The following NCOR1 variants were observed in gnomAD, a reference collection of about 807,000 sequenced individuals.
NCOR1 encodes protein phosphatase 1, regulatory subunit 109.
Under a neutral mutation model 288.1 loss-of-function variants are expected in NCOR1, and 63 were observed. The ratio of observed to expected loss-of-function variants is 0.22; its 90% CI spans 0.18 to 0.27. NCOR1 has a LOEUF of 0.27. Among genes scored for constraint, NCOR1 ranks in the 10% least tolerant of loss-of-function variants. NCOR1 has a pLI of 1.00. For missense variants in NCOR1, 2,397 were observed against 3,019.2 expected, an observed-to-expected ratio of 0.79 and a Z score of 4.83; for synonymous variants, 1,007 against 1,065.9, an observed-to-expected ratio of 0.94 and a Z score of 1.08.
intron 19 of NCOR1, among the ~76,000 whole-genome samples, chr17:16,107,450 G>A (rs2069011275): frequency 6.6e-6 from 1 of 152,100 alleles, no homozygotes; most frequent in Admixed American, 6.6e-5. Context: ...GTAACAAGGC[G>A]GTTAGCCATC....
intron 1 of NCOR1, among the ~76,000 whole-genome samples, chr17:16,205,284 A>G (rs2091352132): frequency 6.6e-6 from 1 of 152,166 alleles, no homozygotes; most frequent in South Asian, 2.1e-4. Flanking sequence ...TTAAAACGCA[A>G]TAACCCCATC....
chr17:16,068,846 T>C (rs925457967), intron 31 of NCOR1, among the ~76,000 whole-genome samples: 1 of 151,878 alleles, frequency 6.6e-6, no homozygotes, highest in East Asian at 1.9e-4. Context: ...CCCAAGTAGC[T>C]GGGACTACAG....
At chr17:16,132,254 C>T (rs2075759203) in intron 14 of NCOR1, among the ~76,000 whole-genome samples, 1 of 152,162 alleles carries the variant, frequency 6.6e-6, no homozygotes, top group Non-Finnish European at 1.5e-5. Flanking sequence ...AATATGGTTT[C>T]TAACATGACT....
At chr17:16,075,732 G>C in intron 26 of NCOR1, 30 bp from the exon 27 acceptor site, 1 of 1,611,730 alleles carries the variant, frequency 6.2e-7, no homozygotes, top group Non-Finnish European at 8.5e-7. Context: ...AAATAGCAGA[G>C]GAGTCACTCG....
chr17:16,059,209 G>A (rs957650040), intron 37 of NCOR1, among the ~76,000 whole-genome samples: 5 of 152,038 alleles, frequency 3.3e-5, no homozygotes, highest in Non-Finnish European at 5.9e-5. Flanking sequence ...ACAAATGAGG[G>A]AGTAGATCTC....
At chr17:16,192,528 C>T (rs1420434722) in intron 2 of NCOR1, among the ~76,000 whole-genome samples, 6 of 152,082 alleles carry the variant, frequency 3.9e-5, no homozygotes, top group Admixed American at 2.6e-4. Context: ...TGGCGGCACA[C>T]GCCTGTAATT....
chr17:16,173,591 A>G (rs1323830794), intron 3 of NCOR1, among the ~76,000 whole-genome samples: 2 of 152,198 alleles, frequency 1.3e-5, no homozygotes, highest in Non-Finnish European at 2.9e-5. Context: ...ACTCAGTTGT[A>G]TTCTATACAC....
At chr17:16,165,701 T>G (rs979562274) in intron 4 of NCOR1, among the ~76,000 whole-genome samples, 56 of 152,328 alleles carry the variant, frequency 3.7e-4, no homozygotes, top group Admixed American at 5.9e-4. Flanking sequence ...TCTCTAGGCC[T>G]ACTTTCATAA....
chr17:16,117,877 A>C lies in NCOR1; in HGVS notation c.2055+11T>G. The C allele has an allele frequency of 1.2e-6, 2 of 1,612,404 alleles. No homozygotes were observed. Among genetic ancestry groups the C allele is most frequent in the Non-Finnish European group, 1.7e-6 (2 of 1,179,346 alleles). On this transcript the variant is annotated intron_variant, in intron 18 of 45. Transcript: ENST00000268712. The stretch of plus-strand genomic sequence containing the variant: ...ACAGTAAGTAAAGAGTCACCACCCC[A>C]ATATACTCACTTTCTGTTTATGCTG...
At chr17:16,113,468 A>T (rs1404665839) in intron 18 of NCOR1, among the ~76,000 whole-genome samples, 1 of 152,228 alleles carries the variant, frequency 6.6e-6, no homozygotes, top group East Asian at 1.9e-4. Flanking sequence ...AGAATATTTT[A>T]ACAGATTTTT....
rs1434192049 is a variant in NCOR1 at position 16,061,533 on chromosome 17, C to T, written c.5749G>A (p.Glu1917Lys). The change falls in exon 37 of 46, where the codon GAA becomes AAA. Residue 1917 changes from glutamate (E) to lysine (K), a missense_variant. Physicochemically the swap from Glu to Lys is moderately conservative, Grantham distance 56. Transcript: ENST00000268712. Reference protein sequence around the residue: ...KGPPPKSRYEEELRTRGKTTI... With the variant: ...KGPPPKSRYEKELRTRGKTTI... Reference sequence around the variant, plus strand: ...GTCTTCCCTCTGGTCCTTAGCTCTTCCTCATATCTGGATTTTGGAGGAGGC... The same window carrying T: ...GTCTTCCCTCTGGTCCTTAGCTCTTTCTCATATCTGGATTTTGGAGGAGGC... The T allele has an allele frequency of 6.2e-7, 1 of 1,614,216 alleles. No individual in the cohort carries two copies. Among genetic ancestry groups the T allele is most frequent in the Non-Finnish European group, 8.5e-7 (1 of 1,180,048 alleles).
At chr17:16,095,441 G>T (rs556714684) in intron 21 of NCOR1, among the ~76,000 whole-genome samples, 151 of 147,484 alleles carry the variant, frequency 1.0e-3, no homozygotes, top group African/African-American at 3.6e-3. Flanking sequence ...GGAGGGAGGT[G>T]GGGGGTCAGC....
rs2153056124 is a variant in NCOR1 at position 16,108,873 on chromosome 17, A to G, written c.2095T>C (p.Cys699Arg). The change falls in exon 19 of 46, where the codon TGT becomes CGT. Residue 699 changes from cysteine to arginine, a missense_variant. This residue lies in a region of NCOR1 where 1,872 missense variants were observed against 2,187.8 expected (regional missense o/e 0.86). Coordinates refer to ENST00000268712, the MANE Select transcript of NCOR1 (RefSeq NM_006311.4). ...KPREERDVSQ[C>R]ESVASTVSAQ... is the part of the protein sequence containing the mutation. ...GAAACAGTGGAAGCGACACTTTCAC[A>G]TTGAGACACATCTCGCTCTTCACGA... The G allele has an allele frequency of 6.2e-7, 1 of 1,607,296 alleles. No individual in the cohort carries two copies. The highest frequency in any genetic ancestry group is 8.5e-7 in the Non-Finnish European group (1 of 1,175,906).
chr17:16,133,436 C>T (rs1289021072), intron 14 of NCOR1, among the ~76,000 whole-genome samples: 1 of 152,150 alleles, frequency 6.6e-6, no homozygotes, highest in Non-Finnish European at 1.5e-5. Flanking sequence ...GTGAGATCAC[C>T]TGAGCTAAAC....
At chr17:16,164,936 G>T in intron 5 of NCOR1, 43 bp downstream of exon 5, 1 of 1,357,444 alleles carries the variant, frequency 7.4e-7, no homozygotes, top group Non-Finnish European at 1.0e-6. Context: ...ACTGTAGGGA[G>T]ACAAACATAC....
intron 13 of NCOR1, 124 bp downstream of exon 13, chr17:16,138,034 G>A (rs2076670964): frequency 3.0e-6 from 2 of 676,024 alleles, no homozygotes; most frequent in Non-Finnish European, 2.5e-6. Context: ...TTAATCACAT[G>A]AGACTCTTCG....
At chr17:16,170,544 G>GTA (rs1396593176) in intron 4 of NCOR1, among the ~76,000 whole-genome samples, 1 of 152,012 alleles carries the variant, frequency 6.6e-6, no homozygotes, top group Non-Finnish European at 1.5e-5. Context: ...GTTGAAAAAG[G>GTA]TAAACATAGG....
Position 16,092,068 on chromosome 17 carries a change from G to A in NCOR1, c.2821-10C>T. ...ATGGGGTGCAGGATACCTATAGGAA[G>A]AAAATAAATCGAAATATGCAAACAA... On this transcript the variant is annotated splice_polypyrimidine_tract_variant and intron_variant, in intron 21 of 45. Coordinates refer to ENST00000268712, the MANE Select transcript of NCOR1 (RefSeq NM_006311.4). 1 of 1,612,138 alleles carries A rather than the reference G, an allele frequency of 6.2e-7. No individual in the cohort carries two copies. The highest frequency in any genetic ancestry group is 2.2e-5 in the East Asian group (1 of 44,858).
Position 16,039,832 on chromosome 17 carries a change from C to T in NCOR1, c.6734-178G>A, listed in dbSNP as rs1193559894. 3 of 576,996 alleles carry T rather than the reference C, an allele frequency of 5.2e-6. No homozygotes were observed. In the East Asian group the frequency reaches 9.2e-5, roughly 18 times the overall value. 35.7% of individuals were successfully genotyped at this position (576,996 alleles called of 1,614,324 possible). A position where few individuals can be genotyped will look rare whatever the true frequency, so the allele number is the denominator to read the frequency against. Reference sequence around the variant, plus strand: ...GAGACAGAGTCTCTCTCTGTCGCACCCAGGCTGGAGTGCAGTGGCGCGATC... The same window carrying T: ...GAGACAGAGTCTCTCTCTGTCGCACTCAGGCTGGAGTGCAGTGGCGCGATC... On this transcript the variant is annotated intron_variant, in intron 43 of 45. Coordinates refer to ENST00000268712, the MANE Select transcript of NCOR1 (RefSeq NM_006311.4).
Sources: gnomAD v4.1 joint callset for allele counts (sites outside exome capture counted in the v4.1 genomes callset) on GRCh38, gnomAD v4.1.1 for gene constraint, gnomAD v4.1.1 regional missense constraint, MANE v1.5 for transcripts, NCBI Gene and HGNC (gene_info 2026-07-23, HGNC 2026-07-21) for gene names.